Variants in XYLB observed in about 807,000 individuals in gnomAD.
The protein encoded by XYLB is xylulokinase, also known as xylulose kinase.
XYLB carries 62 observed loss-of-function variants against 78.7 expected under a neutral mutation model. The ratio of observed to expected loss-of-function variants is 0.79; its 90% CI spans 0.64 to 0.97. The LOEUF (loss-of-function observed/expected upper bound fraction) is 0.97. XYLB is among the 50% of genes least tolerant of loss of function. The probability of loss-of-function intolerance (pLI) is 0.00; values close to 1 mark genes in which losing one functional copy is unlikely to be tolerated. For missense variants in XYLB, 687 were observed against 676.8 expected (o/e 1.02, Z -0.17); for synonymous variants, 245 against 247.4 (o/e 0.99, Z 0.09).
intron 2 of XYLB, among the ~76,000 whole-genome samples, chr3:38,358,560 T>C (rs1705802799): frequency 6.6e-6 from 1 of 151,988 alleles, no homozygotes; most frequent in East Asian, 1.9e-4. Context: ...GCCAGGTTGG[T>C]CTTGAACTCC....
downstream of XYLB, among the ~76,000 whole-genome samples, chr3:38,416,309 G>C (rs1244705672): frequency 6.6e-6 from 1 of 151,844 alleles, no homozygotes; most frequent in Non-Finnish European, 1.5e-5. Flanking sequence ...TGTAAGTAAG[G>C]AAAAAGGGAG....
the XYLB span, among the ~76,000 whole-genome samples, chr3:38,429,785 C>A: frequency 6.6e-6 from 1 of 152,162 alleles, no homozygotes; most frequent in African/African-American, 2.4e-5. Context: ...CAATTCCCAC[C>A]TATGAGTGAG....
Position 38,366,813 on chromosome 3 carries a change from T to C in XYLB, c.513T>C (p.Phe171=). The change falls in exon 7 of 19, where the codon TTT becomes TTC. Residue 171 remains phenylalanine, a synonymous_variant. Coordinates refer to ENST00000207870, the MANE Select transcript of XYLB (RefSeq NM_005108.4). The part of the protein sequence containing the change: ...CLTGSRAYER[F]TGNQIAKIYQ... ...AATTTATATTCCTTTTCCAGCGTTT[T>C]ACAGGGAACCAAATTGCAAAAATTT... 6.2e-7 allele frequency: 1 copy of C among 1,612,222 alleles called. No homozygotes were observed. The highest frequency in any genetic ancestry group is 1.1e-5 in the South Asian group (1 of 91,026).
At chr3:38,400,834 T>C (rs915130935) in intron 17 of XYLB, 57 bp from the exon 18 acceptor site, 3 of 1,484,366 alleles carry the variant, frequency 2.0e-6, no homozygotes, top group South Asian at 1.2e-5. Flanking sequence ...CGTGGTGTTT[T>C]TGGTTAACGT....
At chr3:38,431,004 G>C in the XYLB span, among the ~76,000 whole-genome samples, 1 of 152,288 alleles carries the variant, frequency 6.6e-6, no homozygotes, top group East Asian at 1.9e-4. Flanking sequence ...CTCCAGCTTT[G>C]TTCTTTTTGC....
intron 2 of XYLB, among the ~76,000 whole-genome samples, chr3:38,349,471 T>A (rs1448118114): frequency 6.6e-6 from 1 of 152,296 alleles, no homozygotes; most frequent in Non-Finnish European, 1.5e-5. Context: ...CGTGGGGAAC[T>A]ATTAAAGAGG....
intron 3 of XYLB, 136 bp from the exon 4 acceptor site, chr3:38,362,801 C>A: frequency 1.7e-6 from 1 of 591,576 alleles, no homozygotes; most frequent in Non-Finnish European, 2.7e-6. Flanking sequence ...GCTTACAAAT[C>A]CCAAGTCATG....
At chr3:38,435,279 T>C in the XYLB span, among the ~76,000 whole-genome samples, 500 of 152,164 alleles carry the variant, frequency 3.3e-3, 5 homozygotes, top group African/African-American at 0.011. Context: ...AGCAGGAGTA[T>C]CTATGCTTAT....
downstream of XYLB, among the ~76,000 whole-genome samples, chr3:38,422,547 A>G (rs537894219): frequency 6.6e-6 from 1 of 152,306 alleles, no homozygotes; most frequent in East Asian, 1.9e-4. Flanking sequence ...TGGCCAATTC[A>G]ATCCGCTCAA....
chr3:38,360,311 T>C, intron 2 of XYLB, 28 bp from the exon 3 acceptor site: 2 of 1,607,722 alleles, frequency 1.2e-6, no homozygotes, highest in Non-Finnish European at 1.7e-6. Context: ...CCTGAGGCTC[T>C]GGTCTACATT....
At chr3:38,356,516 T>G (rs1291044325) in intron 2 of XYLB, 1 of 152,224 alleles carries the variant, frequency 6.6e-6, no homozygotes, top group East Asian at 1.9e-4. Flanking sequence ...ATTCTGGACA[T>G]TTCGTAGACA....
At chr3:38,385,080 A>T (rs1707324024) in intron 15 of XYLB, among the ~76,000 whole-genome samples, 1 of 152,180 alleles carries the variant, frequency 6.6e-6, no homozygotes, top group African/African-American at 2.4e-5. Context: ...AGCTCACTGC[A>T]ACCTTCGCCT....
chr3:38,415,417 G>A (rs1708754305), downstream of XYLB, among the ~76,000 whole-genome samples: 1 of 152,180 alleles, frequency 6.6e-6, no homozygotes, highest in Non-Finnish European at 1.5e-5. Context: ...GAATATCTTT[G>A]TAGATCTGAG....
At chr3:38,434,273 G>C in the XYLB span, among the ~76,000 whole-genome samples, 48 of 152,310 alleles carry the variant, frequency 3.2e-4, no homozygotes, top group African/African-American at 1.1e-3. Flanking sequence ...GTACATTATA[G>C]TCTGATTTTC....
At chr3:38,435,858 A>G in the XYLB span, among the ~76,000 whole-genome samples, 1 of 152,238 alleles carries the variant, frequency 6.6e-6, no homozygotes, top group Non-Finnish European at 1.5e-5. Flanking sequence ...GAGTCAATGA[A>G]GAAATTGAGA....
Position 38,360,415 on chromosome 3 carries a change from G to T in XYLB, c.210+7G>T, listed in dbSNP as rs374313486. 57 of 1,583,780 alleles carry T rather than the reference G, an allele frequency of 3.6e-5. No homozygotes were observed. The highest frequency in any genetic ancestry group is 4.3e-5 in the Non-Finnish European group (50 of 1,164,334). ...AGTACTAATGTGGGTCCAGGTAAGC[G>T]CAGGGATTCCTATTCTCCTTCTATC... On this transcript the variant is annotated splice_region_variant and intron_variant, in intron 3 of 18. Transcript: ENST00000207870.
At chr3:38,394,539 C>T (rs973112213) in intron 15 of XYLB, among the ~76,000 whole-genome samples, 2 of 152,104 alleles carry the variant, frequency 1.3e-5, no homozygotes, top group Non-Finnish European at 2.9e-5. Flanking sequence ...ATGGCATTGA[C>T]TGGTAGATCT....
chr3:38,348,483 A>T, intron 1 of XYLB, 67 bp from the exon 2 acceptor site: 2 of 1,504,706 alleles, frequency 1.3e-6, no homozygotes, highest in Non-Finnish European at 1.8e-6. Flanking sequence ...TGGTGACGTT[A>T]GTACCCCCTG....
chr3:38,403,103 C>A (rs1708180818), intron 18 of XYLB, among the ~76,000 whole-genome samples: 1 of 151,854 alleles, frequency 6.6e-6, no homozygotes, highest in Non-Finnish European at 1.5e-5. Context: ...TCGAGACCAG[C>A]CTGGGCAGCA....
Sources: allele counts gnomAD v4.1 joint callset (sites outside exome capture counted in the v4.1 genomes callset), GRCh38; gene constraint gnomAD v4.1.1; transcripts MANE v1.5; gene names NCBI Gene and HGNC (gene_info 2026-07-23, HGNC 2026-07-21).